IGFL2: variants seen among roughly 807,000 people sequenced by gnomAD.
IGFL2 encodes the protein insulin growth factor-like family member 2.
Under a neutral mutation model 13.9 loss-of-function variants are expected in IGFL2, and 7 were observed. That is an observed-to-expected ratio of 0.51 (90% CI 0.29 to 0.95). The LOEUF (loss-of-function observed/expected upper bound fraction) is 0.95. Ranked by LOEUF, IGFL2 falls within the 40% of genes least tolerant of loss-of-function variation. The pLI is 0.08. For synonymous variants in IGFL2, 55 were observed against 55.8 expected (o/e 0.99, Z 0.07); for missense variants, 138 against 147.8 (o/e 0.93, Z 0.34).
At chr19:46,136,240 G>C in the IGFL2 span, among the ~76,000 whole-genome samples, 183 of 151,412 alleles carry the variant, frequency 1.2e-3, no homozygotes, top group African/African-American at 4.3e-3. Context: ...TGGTAGGTTT[G>C]GTCTCTTTAT....
At chr19:46,160,132 C>T (rs1974068863) in intron 1 of IGFL2, 1 of 465,724 alleles carries the variant, frequency 2.1e-6, no homozygotes, top group African/African-American at 2.0e-5. Flanking sequence ...GCTGCTCCCT[C>T]CTTTTTCCAA....
At chr19:46,209,903 C>T in the IGFL2 span, 1 of 151,950 alleles carries the variant, frequency 6.6e-6, no homozygotes, top group Non-Finnish European at 1.5e-5. Context: ...GATTGCCAAA[C>T]ATTGTGAAAT....
At chr19:46,109,898 T>C in the IGFL2 span, among the ~76,000 whole-genome samples, 1 of 152,200 alleles carries the variant, frequency 6.6e-6, no homozygotes, top group Admixed American at 6.5e-5. Flanking sequence ...GGATCTTTAG[T>C]TGCTTCAGGC....
the IGFL2 span, among the ~76,000 whole-genome samples, chr19:46,186,216 G>A: frequency 1.3e-5 from 2 of 152,138 alleles, no homozygotes; most frequent in Non-Finnish European, 2.9e-5. Flanking sequence ...CCGTCCAAGG[G>A]GCACCAGGAA....
the IGFL2 span, among the ~76,000 whole-genome samples, chr19:46,087,657 T>C: frequency 6.6e-6 from 1 of 152,230 alleles, no homozygotes; most frequent in African/African-American, 2.4e-5. Context: ...GCATGTGTGC[T>C]TTGCCTGTGC....
chr19:46,199,931 C>T, the IGFL2 span, among the ~76,000 whole-genome samples: 2 of 152,164 alleles, frequency 1.3e-5, no homozygotes, highest in African/African-American at 2.4e-5. Context: ...GGCTGGAGTG[C>T]AGTGGCACGA....
the IGFL2 span, chr19:46,196,329 C>T: frequency 2.2e-3 from 428 of 197,282 alleles, no homozygotes; most frequent in Non-Finnish European, 3.8e-3. Context: ...GAGGCTCACT[C>T]CCCACCCCAA....
In IGFL2 at chr19:46,160,794, GC is replaced by G. The variant is rs756156721; in HGVS notation, c.256del (p.Leu86SerfsTer7). The G allele has an allele frequency of 6.2e-7, 1 of 1,614,052 alleles. No individual in the cohort carries two copies. The highest frequency in any genetic ancestry group is 1.7e-5 in the Admixed American group (1 of 60,020). On this transcript the variant is annotated frameshift_variant, in exon 3 of 4. Transcript: ENST00000377693. LOFTEE classifies it high-confidence loss of function. The part of the protein sequence containing the change: ...CFELCCLDSF[G>X]LTNDFVVKLK... ...GAGCTCTGCTGTCTTGATTCCTTTG[GC>G]CTCACAAACGATTTTGTTGTGAAGC...
At chr19:46,102,080 CAAA>C in the IGFL2 span, among the ~76,000 whole-genome samples, 2 of 152,280 alleles carry the variant, frequency 1.3e-5, no homozygotes, top group Admixed American at 1.3e-4. Flanking sequence ...CCAGGGGTAA[CAAA>C]GAAGTAAATT....
At chr19:46,211,358 C>A in the IGFL2 span, among the ~76,000 whole-genome samples, 12 of 152,208 alleles carry the variant, frequency 7.9e-5, no homozygotes, top group Non-Finnish European at 1.5e-4. Context: ...AGCGGACAGG[C>A]CTCTGGCCTG....
the IGFL2 span, among the ~76,000 whole-genome samples, chr19:46,088,333 ATTGT>A: frequency 9.9e-5 from 15 of 152,194 alleles, no homozygotes; most frequent in East Asian, 2.7e-3. Context: ...ATCCATTTAC[ATTGT>A]TTATTATTTA....
At chr19:46,085,705 G>T in the IGFL2 span, among the ~76,000 whole-genome samples, 2 of 152,162 alleles carry the variant, frequency 1.3e-5, no homozygotes, top group Non-Finnish European at 2.9e-5. Flanking sequence ...TTGTATAGTT[G>T]CTTTATAGTG....
At chr19:46,125,758 A>G in the IGFL2 span, among the ~76,000 whole-genome samples, 16 of 152,336 alleles carry the variant, frequency 1.1e-4, no homozygotes, top group African/African-American at 3.8e-4. Context: ...CCCGGAACCT[A>G]AGAAGGCCAA....
the IGFL2 span, among the ~76,000 whole-genome samples, chr19:46,185,239 C>G: frequency 6.6e-6 from 1 of 151,916 alleles, no homozygotes; most frequent in Non-Finnish European, 1.5e-5. Context: ...TTTTTTCTAC[C>G]CCCCTCCCTC....
chr19:46,199,320 C>T, the IGFL2 span, among the ~76,000 whole-genome samples: 2 of 152,190 alleles, frequency 1.3e-5, no homozygotes, highest in African/African-American at 4.8e-5. Flanking sequence ...CTCCTTTCAC[C>T]GTGGGTAGAG....
At chr19:46,104,627 G>A in the IGFL2 span, among the ~76,000 whole-genome samples, 1 of 152,066 alleles carries the variant, frequency 6.6e-6, no homozygotes, top group Non-Finnish European at 1.5e-5. Context: ...CTCAGGGCAT[G>A]TAAGTAAATC....
chr19:46,133,550 A>G, the IGFL2 span, among the ~76,000 whole-genome samples: 2 of 152,242 alleles, frequency 1.3e-5, no homozygotes, highest in Admixed American at 6.5e-5. Context: ...AGGAAGAGGA[A>G]TAGGCTATGA....
chr19:46,182,045 T>C, the IGFL2 span, among the ~76,000 whole-genome samples: 1 of 152,158 alleles, frequency 6.6e-6, no homozygotes, highest in African/African-American at 2.4e-5. Context: ...TCATTTTATA[T>C]CATTATTTTT....
the IGFL2 span, chr19:46,120,364 C>G: frequency 1.2e-6 from 2 of 1,610,834 alleles, no homozygotes. Context: ...GTTCCTATCA[C>G]AGTGCCCCAA....
Sources: allele counts gnomAD v4.1 joint callset (sites outside exome capture counted in the v4.1 genomes callset), GRCh38; gene constraint gnomAD v4.1.1; transcripts MANE v1.5; gene names NCBI Gene and HGNC (gene_info 2026-07-23, HGNC 2026-07-21).